Variants in DZIP1 observed in about 807,000 individuals in gnomAD.
DZIP1 encodes cilium assembly protein DZIP1.
In DZIP1, 97 loss-of-function variants were observed where a neutral mutation model predicts 107.6. The observed-to-expected ratio is 0.90, with a 90% CI of 0.77 to 1.07. DZIP1 has a LOEUF of 1.07. DZIP1 is among the 50% of genes least tolerant of loss of function. The pLI is 0.00. For missense variants in DZIP1, 1,035 were observed against 1,063.6 expected (o/e 0.97, Z 0.37); for synonymous variants, 390 against 386.4 (o/e 1.01, Z -0.11).
At chr13:95,597,506 A>T (rs2044490501) in intron 15 of DZIP1, among the ~76,000 whole-genome samples, 1 of 152,236 alleles carries the variant, frequency 6.6e-6, no homozygotes, top group South Asian at 2.1e-4. Flanking sequence ...ACCAATAGGG[A>T]TGGTTGAAAA....
At chr13:95,633,610 C>G (rs1249467983) in intron 5 of DZIP1, among the ~76,000 whole-genome samples, 1 of 145,032 alleles carries the variant, frequency 6.9e-6, no homozygotes, top group Non-Finnish European at 1.5e-5. Context: ...ACCCAGGAAG[C>G]AGATGCTGCA....
intron 6 of DZIP1, among the ~76,000 whole-genome samples, chr13:95,630,445 T>C (rs563902252): frequency 1.3e-5 from 2 of 152,176 alleles, no homozygotes; most frequent in African/African-American, 4.8e-5. Flanking sequence ...TCTGGGCTTT[T>C]CTTAGAGGTG....
rs1274648946 is a variant in DZIP1 at position 95,641,244 on chromosome 13, G to GA, written c.597+50dup. The GA allele has an allele frequency of 2.6e-6, 4 of 1,524,520 alleles. No individual in the cohort carries two copies. Among genetic ancestry groups the GA allele is most frequent in the Non-Finnish European group, 3.5e-6 (4 of 1,133,342 alleles). 94.4% of individuals were successfully genotyped at this position (1,524,520 alleles called of 1,614,324 possible). ...GATACGGGACAGGCCTATCAAATGG[G>GA]AACTGAGTTGTTTACTGGATTATGA... is the stretch of plus-strand genomic sequence containing the variant. On this transcript the variant is annotated intron_variant, in intron 5 of 22. Transcript: ENST00000376829. This position sits in a 1 kb window ranked among gnomAD's most constrained non-coding sequence, Gnocchi z 4.3.
chr13:95,621,925 A>G (rs540980342), intron 9 of DZIP1, among the ~76,000 whole-genome samples: 4 of 152,116 alleles, frequency 2.6e-5, no homozygotes, highest in African/African-American at 9.6e-5. Context: ...CAGGAGTTCA[A>G]GATCAGCCTG....
intron 5 of DZIP1, among the ~76,000 whole-genome samples, chr13:95,639,590 C>CAAA (rs34000481): frequency 2.5e-4 from 21 of 85,288 alleles, no homozygotes; most frequent in South Asian, 1.6e-3. Flanking sequence ...GACTCCATCT[C>CAAA]AAAAAAAAAA....
At position 95,633,288 on chromosome 13, in the gene DZIP1, C is replaced by T. The variant is rs750389191; in HGVS notation, c.631G>A (p.Ala211Thr). ...CGTTGAATGTGACTTTGTAGAAAAG[C>T]TTGGTTCATAAAGGCCTTGTCACAA... The part of the protein sequence containing the change: ...HFCDKAFMNQ[A>T]FLQSHIQRRH... The change falls in exon 6 of 23, where the codon GCT (alanine) becomes ACT (threonine). Residue 211 changes from alanine to threonine, a missense_variant. Ala to Thr is a moderately conservative substitution (Grantham distance 58). Coordinates refer to ENST00000376829, the MANE Select transcript of DZIP1 (RefSeq NM_198968.4). 6.2e-7 allele frequency: 1 copy of T among 1,614,134 alleles called. No homozygotes were observed. Among genetic ancestry groups the T allele is most frequent in the Non-Finnish European group, 8.5e-7 (1 of 1,180,018 alleles).
intron 5 of DZIP1, among the ~76,000 whole-genome samples, chr13:95,640,362 C>T (rs9561920): frequency 0.1 from 15,467 of 152,188 alleles, 838 homozygotes; most frequent in East Asian, 0.17. Flanking sequence ...ATATTAACTG[C>T]ACCATTTTCT....
Position 95,609,933 on chromosome 13 carries a change from G to C in DZIP1, c.1364-420C>G, listed in dbSNP as rs1159470718. Among the ~76,000 whole-genome samples, 5 of 152,100 alleles carry C rather than the reference G, an allele frequency of 3.3e-5. No individual in the cohort carries two copies. In the East Asian group the frequency reaches 7.7e-4, roughly 23 times the overall value. ...CTGAGACGTGCAGGAACCAGGACTG[G>C]AATCACTGGGAAGAAAACTAGGCAG... On this transcript the variant is annotated intron_variant, in intron 12 of 22. Transcript: ENST00000376829.
At chr13:95,587,819 A>G in intron 19 of DZIP1, 90 bp from the exon 20 acceptor site, 1 of 1,420,240 alleles carries the variant, frequency 7.0e-7, no homozygotes, top group Non-Finnish European at 9.4e-7. Flanking sequence ...AAGTGGTGGC[A>G]CCTTTCTCAG....
At chr13:95,620,981 AAAG>A (rs1254443393) in intron 9 of DZIP1, among the ~76,000 whole-genome samples, 1 of 152,224 alleles carries the variant, frequency 6.6e-6, no homozygotes, top group Non-Finnish European at 1.5e-5. Context: ...TGGCAGGCTA[AAAG>A]AAGATAAAAA....
At chr13:95,609,576 C>T in intron 12 of DZIP1, 63 bp from the exon 13 acceptor site, 3 of 1,252,602 alleles carry the variant, frequency 2.4e-6, no homozygotes, top group Non-Finnish European at 3.3e-6. Context: ...ATTTTTGTAG[C>T]CCTTATACTA....
At chr13:95,610,313 G>GTTT (rs60681714) in intron 12 of DZIP1, among the ~76,000 whole-genome samples, 3 of 145,980 alleles carry the variant, frequency 2.1e-5, no homozygotes, top group African/African-American at 5.0e-5. Context: ...GAGTTTTTTG[G>GTTT]TTTTTTTTTT....
At position 95,609,404 on chromosome 13, in the gene DZIP1, G is replaced by T. The variant is rs188423690; in HGVS notation, c.1420+53C>A. The T allele has an allele frequency of 9.0e-4, 1,126 of 1,250,546 alleles. 9 individuals are homozygous for T. The African/African-American group carries it at 0.016, about 17-fold the overall frequency. 77.5% of individuals were successfully genotyped at this position (1,250,546 alleles called of 1,614,324 possible). A position where few individuals can be genotyped will look rare whatever the true frequency, so the allele number is the denominator to read the frequency against. ...AATAGTAAGTAAAAGTTATGTTTTGGTTTAGCATTTTAAAGATACCTTTGG... is the reference window on the plus strand; with the variant it reads ...AATAGTAAGTAAAAGTTATGTTTTGTTTTAGCATTTTAAAGATACCTTTGG... On this transcript the variant is annotated intron_variant, in intron 13 of 22. Coordinates refer to ENST00000376829, the MANE Select transcript of DZIP1 (RefSeq NM_198968.4).
At chr13:95,610,764 G>A (rs766588442) in intron 12 of DZIP1, among the ~76,000 whole-genome samples, 32 of 152,172 alleles carry the variant, frequency 2.1e-4, no homozygotes, top group Non-Finnish European at 3.4e-4. Context: ...AACTGCCATT[G>A]TAACAATTAC....
intron 16 of DZIP1, among the ~76,000 whole-genome samples, chr13:95,592,818 A>C (rs1167988772): frequency 6.6e-6 from 1 of 152,210 alleles, no homozygotes; most frequent in Non-Finnish European, 1.5e-5. Context: ...TACATGAAAC[A>C]ACAGGTATGA....
chr13:95,584,962 C>A, intron 21 of DZIP1, 52 bp from the exon 22 acceptor site: 2 of 1,496,476 alleles, frequency 1.3e-6, no homozygotes, highest in South Asian at 1.2e-5. Context: ...AAAATGGTGT[C>A]CCTCAATCAT....
At chr13:95,584,592 T>C in intron 22 of DZIP1, 144 bp downstream of exon 22, 1 of 1,420,482 alleles carries the variant, frequency 7.0e-7, no homozygotes, top group Non-Finnish European at 9.2e-7. Context: ...GCATATCCAA[T>C]CCTTATTTAA....
chr13:95,616,758 G>A (rs1470568337), intron 10 of DZIP1, among the ~76,000 whole-genome samples: 1 of 152,102 alleles, frequency 6.6e-6, no homozygotes, highest in Non-Finnish European at 1.5e-5. Context: ...CTGTCCCTTG[G>A]TCTGAGGAGA....
At chr13:95,629,074 C>CT (rs1311675975) in intron 7 of DZIP1, among the ~76,000 whole-genome samples, 3 of 152,194 alleles carry the variant, frequency 2.0e-5, no homozygotes, top group African/African-American at 7.2e-5. Flanking sequence ...ACAGAAGCCT[C>CT]TGTCAATGAT....
Sources: gnomAD v4.1 joint callset for allele counts (sites outside exome capture counted in the v4.1 genomes callset) on GRCh38, gnomAD v4.1.1 for gene constraint, Gnocchi (gnomAD v3.1) non-coding constraint, MANE v1.5 for transcripts, NCBI Gene and HGNC (gene_info 2026-07-23, HGNC 2026-07-21) for gene names.